ZDHHC21: variants seen among roughly 807,000 people sequenced by gnomAD.
ZDHHC21 encodes the protein palmitoyltransferase ZDHHC21.
Under a neutral mutation model 34.6 loss-of-function variants are expected in ZDHHC21, and 15 were observed. The observed-to-expected ratio is 0.43, with a 90% CI of 0.29 to 0.67. The LOEUF (loss-of-function observed/expected upper bound fraction) is 0.67. Ranked by LOEUF, ZDHHC21 falls within the 30% of genes least tolerant of loss-of-function variation. The probability of loss-of-function intolerance (pLI) is 0.14; values close to 1 mark genes in which losing one functional copy is unlikely to be tolerated. For missense variants in ZDHHC21, 344 were observed against 327.7 expected (o/e 1.05, Z -0.38); for synonymous variants, 142 against 101.8 (o/e 1.40, Z -2.38).
At chr9:14,634,782 A>C (rs561602849) in intron 8 of ZDHHC21, among the ~76,000 whole-genome samples, 29 of 152,346 alleles carry the variant, frequency 1.9e-4, no homozygotes, top group African/African-American at 5.3e-4. Flanking sequence ...GGACACAAGA[A>C]ACATAAAAAA....
intron 5 of ZDHHC21, among the ~76,000 whole-genome samples, chr9:14,664,301 C>A (rs1026927318): frequency 1.3e-5 from 2 of 152,090 alleles, no homozygotes; most frequent in African/African-American, 2.4e-5. Context: ...CTTTTCAGAC[C>A]GGCTTAAGAA....
the ZDHHC21 span, among the ~76,000 whole-genome samples, chr9:14,593,216 A>G: frequency 6.6e-6 from 1 of 152,196 alleles, no homozygotes; most frequent in Non-Finnish European, 1.5e-5. Context: ...TATGTATTTT[A>G]AACAGATTAA....
chr9:14,692,542 C>T (rs746201517), intron 1 of ZDHHC21, among the ~76,000 whole-genome samples: 5 of 150,316 alleles, frequency 3.3e-5, no homozygotes, highest in Non-Finnish European at 5.9e-5. Flanking sequence ...CAGACATCCA[C>T]CCTGACTCTC....
rs577377958 is a variant in ZDHHC21 at position 14,614,492 on chromosome 9, T to C, written c.*4474A>G. ...AAGGAGCAGAAATGCTAAATACTGA[T>C]TAACATATAGAATTACAACACTGGT... On this transcript the variant is annotated 3_prime_UTR_variant, in exon 10 of 10. Coordinates refer to ENST00000380916, the MANE Select transcript of ZDHHC21 (RefSeq NM_178566.6). 6.6e-6 allele frequency: 1 copy of C among 151,902 alleles called. No individual in the cohort carries two copies. Among genetic ancestry groups the C allele is most frequent in the Admixed American group, 6.6e-5 (1 of 15,204 alleles). The allele number at this position is 151,902 out of a possible 1,614,324, so 9.4% of individuals were successfully genotyped here. A position where few individuals can be genotyped will look rare whatever the true frequency, so the allele number is the denominator to read the frequency against.
At chr9:14,688,208 T>C (rs1226924466) in intron 2 of ZDHHC21, among the ~76,000 whole-genome samples, 2 of 150,900 alleles carry the variant, frequency 1.3e-5, no homozygotes, top group Non-Finnish European at 2.9e-5. Flanking sequence ...AAGCTTCAGT[T>C]TGACCATCTG....
intron 8 of ZDHHC21, among the ~76,000 whole-genome samples, chr9:14,637,588 T>C (rs559625662): frequency 6.6e-6 from 1 of 152,034 alleles, no homozygotes; most frequent in African/African-American, 2.4e-5. Flanking sequence ...ATAAACACCA[T>C]CTATGGCCTT....
the ZDHHC21 span, among the ~76,000 whole-genome samples, chr9:14,598,912 C>T: frequency 1.4e-5 from 2 of 139,106 alleles, no homozygotes; most frequent in Admixed American, 7.1e-5. Context: ...TGTGACATCC[C>T]AGGCCTAGCT....
intron 8 of ZDHHC21, chr9:14,622,618 T>C (rs1018129325): frequency 1.0e-6 from 1 of 985,198 alleles, no homozygotes; most frequent in Non-Finnish European, 1.2e-6. Flanking sequence ...TTGAGTTCAT[T>C]CTCACCAAGC....
At position 14,611,888 on chromosome 9, in the gene ZDHHC21, A is replaced by G. The variant is rs1270776734; in HGVS notation, c.*7078T>C. On this transcript the variant is annotated 3_prime_UTR_variant, in exon 10 of 10. Transcript: ENST00000380916. ...TCATTTAGTTGCTTTATTCTTACAT[A>G]TATGAAGTAGAATTTTTTTTCTTTT... 6.6e-6 allele frequency: 1 copy of G among 152,020 alleles called. No homozygotes were observed. Among genetic ancestry groups the G allele is most frequent in the Non-Finnish European group, 1.5e-5 (1 of 67,950 alleles). The allele number at this position is 152,020 out of a possible 1,614,324, so 9.4% of individuals were successfully genotyped here.
intron 7 of ZDHHC21, among the ~76,000 whole-genome samples, chr9:14,657,166 T>G (rs112266437): frequency 4.6e-5 from 7 of 152,184 alleles, no homozygotes; most frequent in African/African-American, 1.2e-4. Context: ...TGGAATTTCC[T>G]TAGTTGGTCA....
the ZDHHC21 span, among the ~76,000 whole-genome samples, chr9:14,604,203 T>C: frequency 6.6e-6 from 1 of 152,178 alleles, no homozygotes; most frequent in South Asian, 2.1e-4. Flanking sequence ...GGAAAGCTTT[T>C]ACAGTTGAAG....
rs571889519 is a variant in ZDHHC21 at position 14,672,465 on chromosome 9, A to T, written c.253+365T>A. Among the ~76,000 whole-genome samples the T allele has an allele frequency of 1.8e-3, 271 of 152,194 alleles. 2 individuals carry two copies. The highest frequency in any genetic ancestry group is 6.2e-3 in the African/African-American group (257 of 41,542). On this transcript the variant is annotated intron_variant, in intron 5 of 9. Coordinates refer to ENST00000380916, the MANE Select transcript of ZDHHC21 (RefSeq NM_178566.6). ...TATCTCTGTACATAGATCCATGGTA[A>T]TAAGATGACAGAGACAAGGTTCTGG...
At chr9:14,642,782 T>G (rs1207586788) in intron 7 of ZDHHC21, among the ~76,000 whole-genome samples, 1 of 152,274 alleles carries the variant, frequency 6.6e-6, no homozygotes, top group Non-Finnish European at 1.5e-5. Context: ...AATGAATTTC[T>G]GTTGTTTAAG....
At chr9:14,692,724 G>A (rs1201299581) in intron 1 of ZDHHC21, among the ~76,000 whole-genome samples, 1 of 151,992 alleles carries the variant, frequency 6.6e-6, no homozygotes, top group East Asian at 1.9e-4. Context: ...GGAGTGAGAA[G>A]GTCAATAAAG....
rs1447757518 is a variant in ZDHHC21 at position 14,611,805 on chromosome 9, G to C, written c.*7161C>G. On this transcript the variant is annotated 3_prime_UTR_variant, in exon 10 of 10. Transcript: ENST00000380916. Reference sequence around the variant, plus strand: ...AGCCTAGCTTTGTCCTCCCGTGTTAGACTCACAATTCACTTGTCGGAATAT... The same window carrying C: ...AGCCTAGCTTTGTCCTCCCGTGTTACACTCACAATTCACTTGTCGGAATAT... 1 of 152,034 alleles carries C rather than the reference G, an allele frequency of 6.6e-6. No individual in the cohort carries two copies. Among genetic ancestry groups the C allele is most frequent in the South Asian group, 2.1e-4 (1 of 4,828 alleles). The allele number at this position is 152,034 out of a possible 1,614,324, so 9.4% of individuals were successfully genotyped here.
At chr9:14,660,945 T>A (rs17215754) in intron 6 of ZDHHC21, among the ~76,000 whole-genome samples, 9,270 of 152,250 alleles carry the variant, frequency 0.061, 333 homozygotes, top group Admixed American at 0.12. Context: ...AATACATGTT[T>A]CACGTAGCTT....
intron 1 of ZDHHC21, among the ~76,000 whole-genome samples, chr9:14,691,971 G>C (rs542807613): frequency 6.6e-6 from 1 of 152,130 alleles, no homozygotes; most frequent in Non-Finnish European, 1.5e-5. Flanking sequence ...AATAACATGG[G>C]TCATTGCCCT....
At chr9:14,628,541 T>C (rs953402563) in intron 8 of ZDHHC21, among the ~76,000 whole-genome samples, 19 of 151,266 alleles carry the variant, frequency 1.3e-4, no homozygotes, top group African/African-American at 3.6e-4. Context: ...TCCGTATCAG[T>C]AGTTTCCCAA....
chr9:14,596,039 T>C, the ZDHHC21 span, among the ~76,000 whole-genome samples: 196 of 152,310 alleles, frequency 1.3e-3, no homozygotes, highest in Non-Finnish European at 1.3e-4. Flanking sequence ...AACATAAACC[T>C]ACCATTCAAC....
Sources: allele counts gnomAD v4.1 joint callset (sites outside exome capture counted in the v4.1 genomes callset), GRCh38; gene constraint gnomAD v4.1.1; transcripts MANE v1.5; gene names NCBI Gene and HGNC (gene_info 2026-07-23, HGNC 2026-07-21).